Variants in CCDC178 observed in about 807,000 individuals in gnomAD.
The protein encoded by CCDC178 is coiled-coil domain-containing protein 178.
A neutral mutation model predicts 117.4 loss-of-function variants in CCDC178; 126 were observed. That is an observed-to-expected ratio of 1.07 (90% CI 0.93 to 1.24). The LOEUF is 1.24. Ranked by LOEUF, CCDC178 falls within the 50% of genes most tolerant of loss-of-function variation. The pLI is 0.00. For synonymous variants in CCDC178, 283 were observed against 313.4 expected (o/e 0.90, Z 1.02); for missense variants, 1,030 against 986.9 (o/e 1.04, Z -0.59).
At chr18:33,184,533 C>T (rs1174241006) in intron 20 of CCDC178, among the ~76,000 whole-genome samples, 1 of 151,988 alleles carries the variant, frequency 6.6e-6, no homozygotes, top group African/African-American at 2.4e-5. Context: ...AACAGATATA[C>T]ACTAACCAGT....
intron 15 of CCDC178, among the ~76,000 whole-genome samples, chr18:33,244,908 A>G (rs954070668): frequency 6.6e-6 from 1 of 151,986 alleles, no homozygotes; most frequent in Non-Finnish European, 1.5e-5. Flanking sequence ...AACACCTCTC[A>G]GAATCCCTTC....
intron 22 of CCDC178, among the ~76,000 whole-genome samples, chr18:32,950,946 A>G (rs1568175766): frequency 6.6e-6 from 1 of 152,148 alleles, no homozygotes; most frequent in Non-Finnish European, 1.5e-5. Context: ...ATGTCTTCTA[A>G]CATATTTTTT....
chr18:33,008,405 G>A (rs960743884), intron 21 of CCDC178, among the ~76,000 whole-genome samples: 1 of 152,048 alleles, frequency 6.6e-6, no homozygotes, highest in African/African-American at 2.4e-5. Flanking sequence ...TTTTAGCAAA[G>A]CCCAATCCTT....
At chr18:33,317,447 G>C (rs1232593908) in intron 11 of CCDC178, among the ~76,000 whole-genome samples, 1 of 152,090 alleles carries the variant, frequency 6.6e-6, no homozygotes, top group Non-Finnish European at 1.5e-5. Flanking sequence ...AACACTCACC[G>C]CAAGTGTCCG....
At chr18:33,146,005 A>G (rs1369748952) in intron 20 of CCDC178, among the ~76,000 whole-genome samples, 2 of 152,220 alleles carry the variant, frequency 1.3e-5, no homozygotes, top group African/African-American at 4.8e-5. Context: ...AAAACAAACT[A>G]AAAGCCAAAA....
chr18:33,067,451 A>G (rs2057036266), intron 21 of CCDC178, among the ~76,000 whole-genome samples: 1 of 152,212 alleles, frequency 6.6e-6, no homozygotes, highest in South Asian at 2.1e-4. Flanking sequence ...AGGAAATAAA[A>G]AAGCAAAAAA....
At chr18:33,333,085 C>T (rs2062691518) in intron 10 of CCDC178, 89 bp downstream of exon 10, 3 of 667,450 alleles carry the variant, frequency 4.5e-6, no homozygotes, top group Non-Finnish European at 2.4e-6. Context: ...AAAAAAAAAC[C>T]TTTAAAGCTG....
chr18:33,023,596 C>A (rs937672681), intron 21 of CCDC178, among the ~76,000 whole-genome samples: 1 of 152,066 alleles, frequency 6.6e-6, no homozygotes, highest in African/African-American at 2.4e-5. Context: ...AAATTAATAG[C>A]ACTAGGTGCA....
At chr18:33,065,175 G>A (rs2056990223) in intron 21 of CCDC178, among the ~76,000 whole-genome samples, 2 of 152,116 alleles carry the variant, frequency 1.3e-5, no homozygotes, top group Admixed American at 1.3e-4. Flanking sequence ...ATAAGTTCTG[G>A]TGTTCTATTG....
intron 21 of CCDC178, among the ~76,000 whole-genome samples, chr18:33,073,738 A>C (rs1190139023): frequency 6.6e-6 from 1 of 152,186 alleles, no homozygotes; most frequent in East Asian, 1.9e-4. Context: ...TTAGATAATA[A>C]GTTGCTCTCT....
intron 21 of CCDC178, among the ~76,000 whole-genome samples, chr18:32,980,301 C>T (rs2055121899): frequency 6.6e-6 from 1 of 151,904 alleles, no homozygotes; most frequent in East Asian, 1.9e-4. Flanking sequence ...ATAAAAAGCC[C>T]GGCCGGGCGC....
chr18:33,371,259 A>ACT (rs940279095), intron 5 of CCDC178, among the ~76,000 whole-genome samples: 3 of 148,868 alleles, frequency 2.0e-5, no homozygotes, highest in African/African-American at 7.3e-5. Flanking sequence ...ACAATGTTCG[A>ACT]CTCTCTCTCA....
At chr18:32,953,964 T>C (rs1004125154) in intron 22 of CCDC178, 8 of 151,836 alleles carry the variant, frequency 5.3e-5, no homozygotes, top group Admixed American at 3.3e-4. Context: ...AATTTCTTGA[T>C]TTTTTTTCCC....
chr18:33,384,148 C>A (rs1388846433), intron 5 of CCDC178, among the ~76,000 whole-genome samples: 1 of 151,784 alleles, frequency 6.6e-6, no homozygotes, highest in African/African-American at 2.4e-5. Flanking sequence ...ATAAGGCAGA[C>A]AAACAAGATT....
intron 21 of CCDC178, among the ~76,000 whole-genome samples, chr18:33,067,357 T>G (rs1272542445): frequency 2.6e-5 from 4 of 151,940 alleles, no homozygotes; most frequent in Non-Finnish European, 5.9e-5. Flanking sequence ...TCAAAAGCAG[T>G]GCTAAGAGGG....
chr18:33,356,882 T>C (rs1186911770), intron 6 of CCDC178, among the ~76,000 whole-genome samples: 1 of 152,188 alleles, frequency 6.6e-6, no homozygotes, highest in Non-Finnish European at 1.5e-5. Flanking sequence ...AGAGAATCTC[T>C]TTCCCTTACT....
chr18:33,371,389 CCCA>C (rs1023447962), intron 5 of CCDC178, among the ~76,000 whole-genome samples: 1 of 151,084 alleles, frequency 6.6e-6, no homozygotes, highest in African/African-American at 2.4e-5. Flanking sequence ...TTTTTTAATC[CCCA>C]CAACAATCTT....
chr18:33,106,961 C>G (rs2057714563), intron 20 of CCDC178, among the ~76,000 whole-genome samples: 1 of 151,744 alleles, frequency 6.6e-6, no homozygotes. Context: ...AGCAAGAAAG[C>G]AGAGACGAAC....
intron 11 of CCDC178, among the ~76,000 whole-genome samples, chr18:33,298,211 G>C (rs1318813361): frequency 6.6e-6 from 1 of 152,000 alleles, no homozygotes; most frequent in Non-Finnish European, 1.5e-5. Flanking sequence ...GATGAACATA[G>C]ATAGAAACAT....
Sources: allele counts gnomAD v4.1 joint callset (sites outside exome capture counted in the v4.1 genomes callset), GRCh38; gene constraint gnomAD v4.1.1; transcripts MANE v1.5; gene names NCBI Gene and HGNC (gene_info 2026-07-23, HGNC 2026-07-21).